USP24: variants seen among roughly 807,000 people sequenced by gnomAD.
USP24 encodes the protein ubiquitin specific peptidase 24.
In USP24, 97 loss-of-function variants were observed where a neutral mutation model predicts 361.6. That is an observed-to-expected ratio of 0.27 (90% CI 0.23 to 0.32). The LOEUF (loss-of-function observed/expected upper bound fraction) is 0.32, where lower values mean the gene tolerates loss of function less well. Ranked by LOEUF, USP24 falls within the 10% of genes least tolerant of loss-of-function variation. The probability of loss-of-function intolerance (pLI) is 1.00; values close to 1 mark genes in which losing one functional copy is unlikely to be tolerated. For missense variants in USP24, 2,353 were observed against 3,165.6 expected, an observed-to-expected ratio of 0.74 and a Z score of 6.16; for synonymous variants, 1,098 against 1,124.6, an observed-to-expected ratio of 0.98 and a Z score of 0.47.
intron 1 of USP24, among the ~76,000 whole-genome samples, chr1:55,204,273 C>G: frequency 6.6e-6 from 1 of 152,048 alleles, no homozygotes; most frequent in East Asian, 1.9e-4. Flanking sequence ...AAAATAAGAC[C>G]AGTTCCTAAA....
At chr1:55,181,130 A>C (rs1159739453) in intron 1 of USP24, among the ~76,000 whole-genome samples, 1 of 152,112 alleles carries the variant, frequency 6.6e-6, no homozygotes, top group African/African-American at 2.4e-5. Context: ...AATCCCATTT[A>C]AAAATCATGT....
chr1:55,192,138 A>G (rs965905397), intron 1 of USP24, among the ~76,000 whole-genome samples: 4 of 131,752 alleles, frequency 3.0e-5, no homozygotes, highest in African/African-American at 1.0e-4. Flanking sequence ...TTTTAAGTTA[A>G]TAAGAGAGTT....
rs923656777 is a variant in USP24 at position 55,083,629 on chromosome 1, T to C, written c.6882+143A>G. ...AACTATACCCACCTCATCAGAATTC[T>C]TACAAGTAATATAATTCACAAGATT... On this transcript the variant is annotated intron_variant, in intron 57 of 67. Coordinates refer to ENST00000294383, the MANE Select transcript of USP24 (RefSeq NM_015306.3). The C allele has an allele frequency of 8.2e-6, 6 of 728,620 alleles. No homozygotes were observed. In the African/African-American group the frequency reaches 1.1e-4, roughly 13 times the overall value. The allele number at this position is 728,620 out of a possible 1,614,324, so 45.1% of individuals were successfully genotyped here.
chr1:55,066,429 A>C lies in USP24; in HGVS notation c.*2616T>G, dbSNP rs1644826359. ...TTGCCACACATGAACCAAATTTAGA[A>C]TTAAGGTTCTTCCCTAGTGTATCTA... On this transcript the variant is annotated 3_prime_UTR_variant, in exon 68 of 68. Coordinates refer to ENST00000294383, the MANE Select transcript of USP24 (RefSeq NM_015306.3). 1 of 152,192 alleles carries C rather than the reference A, an allele frequency of 6.6e-6. No individual in the cohort carries two copies. The highest frequency in any genetic ancestry group is 2.4e-5 in the African/African-American group (1 of 41,440). 9.4% of individuals were successfully genotyped at this position (152,192 alleles called of 1,614,324 possible).
intron 41 of USP24, among the ~76,000 whole-genome samples, chr1:55,104,353 T>C (rs1196231861): frequency 6.6e-5 from 10 of 152,062 alleles, no homozygotes; most frequent in Non-Finnish European, 1.5e-4. Context: ...TCAAATAAAA[T>C]AGGTAAGTAG....
rs1645513303 is a variant in USP24, at chr1:55,097,106, CAGA to C, written c.5779_5781del (p.Ser1927del). 6.2e-7 allele frequency: 1 copy of C among 1,613,940 alleles called. No individual in the cohort carries two copies. The highest frequency in any genetic ancestry group is 1.1e-5 in the South Asian group (1 of 91,074). On this transcript the variant is annotated inframe_deletion, in exon 49 of 68. Coordinates refer to ENST00000294383, the MANE Select transcript of USP24 (RefSeq NM_015306.3). ...ACACTTCGCCCATTTTCCCCAACTTCAGAAGAAGAATCTTGGCGAGCCATTCCT... is the reference window on the plus strand; with the variant it reads ...ACACTTCGCCCATTTTCCCCAACTTCAGAAGAATCTTGGCGAGCCATTCCT...
At chr1:55,070,109 G>C (rs1281273599) in intron 67 of USP24, among the ~76,000 whole-genome samples, 1 of 152,028 alleles carries the variant, frequency 6.6e-6, no homozygotes, top group Non-Finnish European at 1.5e-5. Flanking sequence ...CTTTCAAAGG[G>C]AGCTGTCCGG....
At chr1:55,171,473 T>C in intron 5 of USP24, 83 bp downstream of exon 5, 10 of 1,465,598 alleles carry the variant, frequency 6.8e-6, no homozygotes, top group Non-Finnish European at 9.2e-6. Flanking sequence ...AATCCTCCCA[T>C]GTAACTTGTC....
intron 1 of USP24, among the ~76,000 whole-genome samples, chr1:55,210,783 T>A (rs1419604972): frequency 1.3e-5 from 2 of 152,098 alleles, no homozygotes; most frequent in African/African-American, 4.8e-5. Flanking sequence ...AGAAAGAACA[T>A]CCACATTAAA....
chr1:55,114,875 A>G (rs1269441377), intron 38 of USP24, among the ~76,000 whole-genome samples: 1 of 152,242 alleles, frequency 6.6e-6, no homozygotes, highest in East Asian at 1.9e-4. Flanking sequence ...AATGGCAATT[A>G]TATCCCGAAA....
At chr1:55,081,110 C>T (rs1363781946) in intron 59 of USP24, among the ~76,000 whole-genome samples, 1 of 152,050 alleles carries the variant, frequency 6.6e-6, no homozygotes, top group Non-Finnish European at 1.5e-5. Context: ...TACCCTCTCA[C>T]CTCTCCCAAA....
chr1:55,071,113 G>T, intron 67 of USP24: 1 of 982,600 alleles, frequency 1.0e-6, no homozygotes, highest in East Asian at 1.1e-4. Flanking sequence ...GGATCCGAAA[G>T]ATAACACTTA....
At chr1:55,129,282 G>GT (rs1646525885) in intron 32 of USP24, among the ~76,000 whole-genome samples, 195 bp downstream of exon 32, 1 of 152,038 alleles carries the variant, frequency 6.6e-6, no homozygotes, top group Non-Finnish European at 1.5e-5. Context: ...GCTTCCATAC[G>GT]TTTTTCAAAT....
chr1:55,114,052 CAA>C (rs1248783939), intron 38 of USP24, among the ~76,000 whole-genome samples: 1 of 152,156 alleles, frequency 6.6e-6, no homozygotes, highest in Non-Finnish European at 1.5e-5. Flanking sequence ...GCAACTTCAG[CAA>C]AGTCTCAGGA....
chr1:55,202,828 G>A (rs1307442888), intron 1 of USP24, among the ~76,000 whole-genome samples: 1 of 152,218 alleles, frequency 6.6e-6, no homozygotes, highest in African/African-American at 2.4e-5. Flanking sequence ...CTTCACAAGT[G>A]ATAGCAATTG....
Position 55,123,502 on chromosome 1 carries a change from C to T in USP24, c.4221G>A (p.Ala1407=), listed in dbSNP as rs145599916. Residue 1407 remains alanine, a synonymous_variant, in exon 36 of 68, where the codon GCG becomes GCA. Coordinates refer to ENST00000294383, the MANE Select transcript of USP24 (RefSeq NM_015306.3). ...QSVSTKDSLI[A]GEALSLLVTC... ...TAACAAGAAGAGACAAAGCCTCTCC[C>T]GCAATCAGCGAGTCTTTGGTGGATA... 1.3e-3 allele frequency: 2,107 copies of T among 1,604,518 alleles called. No individual in the cohort carries two copies. Among genetic ancestry groups the T allele is most frequent in the Non-Finnish European group, 1.7e-3 (1,978 of 1,175,624 alleles).
intron 16 of USP24, chr1:55,151,933 G>A (rs1647205614): frequency 1.0e-6 from 1 of 985,758 alleles, no homozygotes; most frequent in South Asian, 4.7e-5. Context: ...TTTCTGTGTA[G>A]CCTGGCAGGG....
In USP24 at chr1:55,201,172, A is replaced by C. The variant is rs116683009; in HGVS notation, c.324+13618T>G. Among the ~76,000 whole-genome samples, 671 of 152,320 alleles carry C rather than the reference A, an allele frequency of 4.4e-3. 2 individuals carry two copies. Among genetic ancestry groups the C allele is most frequent in the African/African-American group, 0.016 (651 of 41,578 alleles). ...TTTAAGAGACTATTTGAGAAGCATG[A>C]ATGGGGGAAATGTGTTCCAAAATGG... On this transcript the variant is annotated intron_variant, in intron 1 of 67. Transcript: ENST00000294383.
At chr1:55,100,328 C>T (rs1645600706) in intron 44 of USP24, among the ~76,000 whole-genome samples, 1 of 152,138 alleles carries the variant, frequency 6.6e-6, no homozygotes, top group Non-Finnish European at 1.5e-5. Flanking sequence ...GAAACCCCAT[C>T]TCTACTGAAA....
Sources: gnomAD v4.1 joint callset for allele counts (sites outside exome capture counted in the v4.1 genomes callset) on GRCh38, gnomAD v4.1.1 for gene constraint, MANE v1.5 for transcripts, NCBI Gene and HGNC (gene_info 2026-07-23, HGNC 2026-07-21) for gene names.